Variants in NRXN1 observed in about 807,000 individuals in gnomAD.
NRXN1 encodes neurexin 1, also known as neurexin-1.
In NRXN1, 39 loss-of-function variants were observed where a neutral mutation model predicts 150.9. That is an observed-to-expected ratio of 0.26 (90% CI 0.20 to 0.34). The LOEUF (loss-of-function observed/expected upper bound fraction) is 0.34, where lower values mean the gene tolerates loss of function less well. Ranked by LOEUF, NRXN1 falls within the 10% of genes least tolerant of loss-of-function variation. NRXN1 has a pLI of 1.00. For missense variants in NRXN1, 1,815 were observed against 1,949.9 expected, an observed-to-expected ratio of 0.93 and a Z score of 1.30; for synonymous variants, 924 against 757.0, an observed-to-expected ratio of 1.22 and a Z score of -3.62.
At chr2:50,460,411 C>CT in intron 17 of NRXN1, among the ~76,000 whole-genome samples, 1 of 152,164 alleles carries the variant, frequency 6.6e-6, no homozygotes, top group South Asian at 2.1e-4. Context: ...CTCAACAGTG[C>CT]AAGGGACTAA....
chr2:50,505,922 T>G (rs553581899), intron 13 of NRXN1, among the ~76,000 whole-genome samples: 1 of 152,282 alleles, frequency 6.6e-6, no homozygotes, highest in Non-Finnish European at 1.5e-5. Flanking sequence ...GGCTTTCCTA[T>G]GTTTCTAGGG....
At chr2:50,439,119 A>C (rs1397138505) in intron 17 of NRXN1, among the ~76,000 whole-genome samples, 1 of 152,204 alleles carries the variant, frequency 6.6e-6, no homozygotes, top group Non-Finnish European at 1.5e-5. Flanking sequence ...TTGTCCTGCC[A>C]AAAGATTGAG....
chr2:50,383,025 A>G (rs1454859797), intron 17 of NRXN1, among the ~76,000 whole-genome samples: 1 of 152,070 alleles, frequency 6.6e-6, no homozygotes, highest in Admixed American at 6.6e-5. Flanking sequence ...TCCCATCATC[A>G]TATATGTTCT....
At chr2:50,595,613 T>C (rs1322503140) in intron 8 of NRXN1, among the ~76,000 whole-genome samples, 1 of 152,120 alleles carries the variant, frequency 6.6e-6, no homozygotes, top group East Asian at 1.9e-4. Flanking sequence ...AGACCTGAGA[T>C]TAATAGAAAC....
intron 5 of NRXN1, among the ~76,000 whole-genome samples, chr2:50,724,632 T>C (rs541013147): frequency 1.3e-3 from 195 of 152,286 alleles, no homozygotes; most frequent in African/African-American, 4.4e-3. Flanking sequence ...TATTACATTT[T>C]TAACTTGGCT....
intron 2 of NRXN1, among the ~76,000 whole-genome samples, chr2:50,962,983 T>A (rs1693453161): frequency 1.3e-5 from 2 of 151,606 alleles, no homozygotes; most frequent in South Asian, 4.1e-4. Flanking sequence ...TTAAGGAATG[T>A]CTCTCTGAAG....
intron 17 of NRXN1, among the ~76,000 whole-genome samples, chr2:50,407,407 A>G (rs1264181472): frequency 6.6e-6 from 1 of 152,198 alleles, no homozygotes; most frequent in African/African-American, 2.4e-5. Flanking sequence ...CCTCGCCTTC[A>G]GGACACAAAA....
chr2:49,997,847 C>T (rs960483891), intron 21 of NRXN1, among the ~76,000 whole-genome samples: 1 of 152,006 alleles, frequency 6.6e-6, no homozygotes, highest in African/African-American at 2.4e-5. Context: ...GGAAGCTGGG[C>T]CGCCGGGGTG....
chr2:50,920,252 A>G lies in NRXN1; in HGVS notation c.832+1617T>C, dbSNP rs1685809193. On this transcript the variant is annotated intron_variant, in intron 5 of 22. Transcript: ENST00000401669. ...AAATCTGATGAAAACTGGTGAAGTT[A>G]AAAAATAATGTTTGACACACATGCC... 3.3e-5 allele frequency among the ~76,000 whole-genome samples: 5 copies of G among 151,798 alleles called. No individual in the cohort carries two copies. In the South Asian group the frequency reaches 1.0e-3, roughly 31 times the overall value.
intron 17 of NRXN1, among the ~76,000 whole-genome samples, chr2:50,334,206 T>TAC (rs1397862206): frequency 6.9e-6 from 1 of 144,096 alleles, no homozygotes; most frequent in African/African-American, 2.8e-5. Context: ...TATATATATA[T>TAC]ATATATGTAT....
intron 21 of NRXN1, among the ~76,000 whole-genome samples, chr2:49,982,782 T>C (rs1252584437): frequency 6.6e-6 from 1 of 152,176 alleles, no homozygotes; most frequent in Non-Finnish European, 1.5e-5. Context: ...GCATTTCTGC[T>C]TTGTAAATAA....
At chr2:50,272,053 G>C (rs2069746580) in intron 17 of NRXN1, among the ~76,000 whole-genome samples, 1 of 152,140 alleles carries the variant, frequency 6.6e-6, no homozygotes, top group Non-Finnish European at 1.5e-5. Flanking sequence ...AAAGTGCTTG[G>C]AATTGGGGAA....
chr2:50,625,059 C>G (rs1391693787), intron 5 of NRXN1: 1 of 151,990 alleles, frequency 6.6e-6, no homozygotes, highest in African/African-American at 2.4e-5. Flanking sequence ...GAAACTTAAT[C>G]TGTCCCACTG....
At chr2:50,263,951 G>T (rs2068578805) in intron 17 of NRXN1, among the ~76,000 whole-genome samples, 1 of 152,068 alleles carries the variant, frequency 6.6e-6, no homozygotes, top group African/African-American at 2.4e-5. Flanking sequence ...GAAATCAATG[G>T]CCTGTTACTG....
At chr2:50,560,459 T>TGATTG (rs1553791714) in intron 8 of NRXN1, among the ~76,000 whole-genome samples, 1 of 150,072 alleles carries the variant, frequency 6.7e-6, no homozygotes, top group African/African-American at 2.5e-5. Flanking sequence ...TTTATTTACT[T>TGATTG]AGAAGCCGTC....
At chr2:50,375,795 G>A (rs1166518135) in intron 17 of NRXN1, among the ~76,000 whole-genome samples, 1 of 151,748 alleles carries the variant, frequency 6.6e-6, no homozygotes, top group African/African-American at 2.4e-5. Context: ...AATTCATAAA[G>A]AGGGCTCTAT....
intron 18 of NRXN1, among the ~76,000 whole-genome samples, chr2:50,218,587 C>T (rs987258833): frequency 2.0e-5 from 3 of 151,282 alleles, no homozygotes; most frequent in Non-Finnish European, 4.4e-5. Context: ...CACATACCCA[C>T]GGTTTTGGAG....
intron 18 of NRXN1, among the ~76,000 whole-genome samples, chr2:50,118,782 C>T (rs891273043): frequency 3.9e-5 from 6 of 152,140 alleles, no homozygotes; most frequent in Non-Finnish European, 8.8e-5. Flanking sequence ...CTGCCATCAG[C>T]TGTGGATTGG....
intron 18 of NRXN1, among the ~76,000 whole-genome samples, chr2:50,221,086 T>C (rs2063848080): frequency 6.6e-6 from 1 of 152,056 alleles, no homozygotes; most frequent in African/African-American, 2.4e-5. Flanking sequence ...TATTGTTGTA[T>C]AGTTATCTGT....
Sources: allele counts gnomAD v4.1 joint callset (sites outside exome capture counted in the v4.1 genomes callset), GRCh38; gene constraint gnomAD v4.1.1; transcripts MANE v1.5; gene names NCBI Gene and HGNC (gene_info 2026-07-23, HGNC 2026-07-21).